TRPM3: variants seen among roughly 807,000 people sequenced by gnomAD.
TRPM3 encodes long transient receptor potential channel 3.
TRPM3 carries 77 observed loss-of-function variants against 181.2 expected under a neutral mutation model. The observed-to-expected ratio is 0.42, with a 90% CI of 0.35 to 0.51. The LOEUF (loss-of-function observed/expected upper bound fraction) is 0.51. Ranked by LOEUF, TRPM3 falls within the 20% of genes least tolerant of loss-of-function variation. The pLI is 0.01. For missense variants in TRPM3, 1,759 were observed against 2,196.7 expected (o/e 0.80, Z 3.98); for synonymous variants, 745 against 796.4 (o/e 0.94, Z 1.09).
intron 7 of TRPM3, chr9:70,776,180 G>T: frequency 2.9e-6 from 1 of 350,150 alleles, no homozygotes; most frequent in Non-Finnish European, 5.1e-6. Context: ...CACCTTGTCT[G>T]TATTACATAT....
At chr9:71,435,764 G>A (rs1251413594) in intron 1 of TRPM3, among the ~76,000 whole-genome samples, 1 of 152,166 alleles carries the variant, frequency 6.6e-6, no homozygotes, top group Non-Finnish European at 1.5e-5. Context: ...TACTTTACAT[G>A]TCAATGGGGA....
chr9:71,056,020 G>A (rs2060615344), intron 1 of TRPM3, among the ~76,000 whole-genome samples: 1 of 151,934 alleles, frequency 6.6e-6, no homozygotes, highest in South Asian at 2.1e-4. Context: ...TCTCCTCTAA[G>A]ACACCCCTAT....
At chr9:71,129,384 G>A (rs1177437200) in intron 1 of TRPM3, among the ~76,000 whole-genome samples, 1 of 152,116 alleles carries the variant, frequency 6.6e-6, no homozygotes, top group Non-Finnish European at 1.5e-5. Context: ...TAACTTTTAT[G>A]AGTCCTTATT....
At chr9:70,852,969 T>C (rs948922611) in intron 3 of TRPM3, among the ~76,000 whole-genome samples, 3 of 152,216 alleles carry the variant, frequency 2.0e-5, no homozygotes, top group African/African-American at 7.2e-5. Flanking sequence ...TATATTTTTT[T>C]CTGGTTGTTT....
At chr9:70,629,118 G>A (rs892498657) in intron 12 of TRPM3, among the ~76,000 whole-genome samples, 1 of 149,388 alleles carries the variant, frequency 6.7e-6, no homozygotes, top group South Asian at 2.1e-4. Context: ...TGGCAAGCAA[G>A]CAGGTGCTGG....
intron 19 of TRPM3, 71 bp from the exon 20 acceptor site, chr9:70,603,541 C>T: frequency 6.4e-7 from 1 of 1,559,166 alleles, no homozygotes; most frequent in Middle Eastern, 1.7e-4. Flanking sequence ...AAGGCCACTG[C>T]ACAGCAGCAC....
At chr9:71,071,292 C>G (rs1425575319) in intron 1 of TRPM3, among the ~76,000 whole-genome samples, 1 of 152,092 alleles carries the variant, frequency 6.6e-6, no homozygotes, top group East Asian at 1.9e-4. Context: ...TGGACTGTTC[C>G]TCAAGAAAGA....
chr9:71,215,169 A>G lies in TRPM3; in HGVS notation c.183+231484T>C, dbSNP rs561510874. ...AGTTCATAAATTTGTTAAATGATGA[A>G]TATCCCTCAACACTACTGCCATTTG... is the stretch of plus-strand genomic sequence containing the variant. On this transcript the variant is annotated intron_variant, in intron 1 of 24. Transcript: ENST00000357533. Among the ~76,000 whole-genome samples, 16 of 152,246 alleles carry G rather than the reference A, an allele frequency of 1.1e-4. No individual in the cohort carries two copies. In the South Asian group the frequency reaches 3.1e-3, roughly 30 times the overall value.
chr9:71,115,326 G>A (rs946901053), intron 1 of TRPM3, among the ~76,000 whole-genome samples: 3 of 152,096 alleles, frequency 2.0e-5, no homozygotes, highest in African/African-American at 7.2e-5. Context: ...CAACACCTCC[G>A]AGAGTGGGCC....
chr9:71,314,342 C>A (rs143819699), intron 1 of TRPM3, among the ~76,000 whole-genome samples: 7 of 152,216 alleles, frequency 4.6e-5, no homozygotes, highest in African/African-American at 1.7e-4. Flanking sequence ...CATAGTCCTG[C>A]CTTCCTTATT....
chr9:71,443,530 G>A (rs1385085689), intron 1 of TRPM3, among the ~76,000 whole-genome samples: 1 of 152,126 alleles, frequency 6.6e-6, no homozygotes, highest in African/African-American at 2.4e-5. Flanking sequence ...AGTGGGCAGT[G>A]GCAGGGATAG....
chr9:70,653,715 G>A (rs1589829901), intron 9 of TRPM3, among the ~76,000 whole-genome samples: 1 of 142,980 alleles, frequency 7.0e-6, no homozygotes, highest in Non-Finnish European at 1.5e-5. Context: ...CCAAACAAAT[G>A]TTCTTTCATT....
At chr9:70,897,980 G>A (rs77443177) in intron 1 of TRPM3, among the ~76,000 whole-genome samples, 2,998 of 152,146 alleles carry the variant, frequency 0.02, 52 homozygotes, top group Middle Eastern at 0.048. Flanking sequence ...CCAATTTCTG[G>A]AGCTTGCCTA....
chr9:70,642,195 C>T lies in TRPM3; in HGVS notation c.1346-1535G>A, dbSNP rs371960308. Among the ~76,000 whole-genome samples, 11 of 152,216 alleles carry T rather than the reference C, an allele frequency of 7.2e-5. No homozygotes were observed. The East Asian group carries it at 2.1e-3, about 29-fold the overall frequency. ...ACTTCCATATGTCATATGTAACATC[C>T]CAGTTAATCTGGGGACTGGGTCTTA... On this transcript the variant is annotated intron_variant, in intron 9 of 25. Transcript: ENST00000677713.
rs185650530 is a variant in TRPM3, at chr9:71,168,655, T to C, written c.183+277998A>G. ...TATTATTTTTTATTTTTTTTTTTAT[T>C]ATTACTATCCCTGACATTTTTCTAC... On this transcript the variant is annotated intron_variant, in intron 1 of 24. Coordinates refer to the TRPM3 transcript ENST00000357533. 1.2e-3 allele frequency among the ~76,000 whole-genome samples: 182 copies of C among 148,268 alleles called. 2 individuals carry two copies. Among genetic ancestry groups the C allele is most frequent in the African/African-American group, 4.0e-3 (164 of 40,808 alleles).
At chr9:71,051,603 G>A (rs115065931) in intron 1 of TRPM3, among the ~76,000 whole-genome samples, 2 of 150,480 alleles carry the variant, frequency 1.3e-5, no homozygotes, top group South Asian at 2.1e-4. Context: ...GCGGCGGGGT[G>A]GGGGGGTTAT....
At chr9:71,203,043 A>G (rs2078903279) in intron 1 of TRPM3, among the ~76,000 whole-genome samples, 1 of 152,186 alleles carries the variant, frequency 6.6e-6, no homozygotes. Flanking sequence ...AATTACTCAA[A>G]GCCAGGTTGC....
intron 1 of TRPM3, among the ~76,000 whole-genome samples, chr9:71,223,258 C>G (rs751974779): frequency 2.6e-5 from 4 of 152,152 alleles, no homozygotes; most frequent in Non-Finnish European, 4.4e-5. Context: ...AGTCATGAGG[C>G]CCCTGTTCCA....
intron 1 of TRPM3, among the ~76,000 whole-genome samples, chr9:70,885,429 G>C (rs1397877980): frequency 2.0e-5 from 3 of 152,120 alleles, no homozygotes; most frequent in Non-Finnish European, 4.4e-5. Flanking sequence ...AAACCTTAGG[G>C]AAGAATGAGT....
Sources: allele counts gnomAD v4.1 joint callset (sites outside exome capture counted in the v4.1 genomes callset), GRCh38; gene constraint gnomAD v4.1.1; transcripts MANE v1.5; gene names NCBI Gene and HGNC (gene_info 2026-07-23, HGNC 2026-07-21).